The following CRPPA variants were observed in gnomAD, a reference collection of about 807,000 sequenced individuals.
CRPPA encodes the protein D-ribitol-5-phosphate cytidylyltransferase.
A neutral mutation model predicts 52.0 loss-of-function variants in CRPPA; 43 were observed. The observed-to-expected ratio is 0.83, with a 90% confidence interval of 0.65 to 1.07. The LOEUF (loss-of-function observed/expected upper bound fraction) is 1.07. Among genes scored for constraint, CRPPA ranks in the 50% least tolerant of loss-of-function variants. The pLI is 0.00. For missense variants in CRPPA, 629 were observed against 551.7 expected, an observed-to-expected ratio of 1.14 and a Z score of -1.40; for synonymous variants, 250 against 203.5, an observed-to-expected ratio of 1.23 and a Z score of -1.94.
intron 6 of CRPPA, chr7:16,276,529 G>A (rs1248381056): frequency 2.0e-5 from 3 of 152,150 alleles, no homozygotes; most frequent in Non-Finnish European, 4.4e-5. Context: ...AAAAATTACT[G>A]AATTAAGATT....
chr7:16,283,405 G>C (rs1311482308), intron 5 of CRPPA, among the ~76,000 whole-genome samples: 2 of 149,724 alleles, frequency 1.3e-5, no homozygotes, highest in Admixed American at 1.3e-4. Context: ...TATCTACCTA[G>C]ATTCACTAAT....
chr7:16,113,676 A>AC (rs1331122449), intron 9 of CRPPA, among the ~76,000 whole-genome samples: 2 of 149,750 alleles, frequency 1.3e-5, no homozygotes, highest in Non-Finnish European at 3.0e-5. Flanking sequence ...CAAAAACTAC[A>AC]CCCCCCTCAA....
Position 16,256,355 on chromosome 7 carries a change from C to A in CRPPA, c.1119+2035G>T, listed in dbSNP as rs189202899. The stretch of plus-strand genomic sequence containing the variant: ...GGTGACATTGTGGAAGACAGTGTGG[C>A]AATTCCTCAAGAATCTAGAACCAGA... On this transcript the variant is annotated intron_variant, in intron 8 of 9. Transcript: ENST00000407010. Among the ~76,000 whole-genome samples the A allele has an allele frequency of 3.0e-3, 464 of 152,180 alleles. 3 individuals are homozygous for A. Among genetic ancestry groups the A allele is most frequent in the Middle Eastern group, 6.8e-3 (2 of 294 alleles).
chr7:16,222,302 G>T, intron 8 of CRPPA, among the ~76,000 whole-genome samples: 1 of 115,710 alleles, frequency 8.6e-6, no homozygotes, highest in Non-Finnish European at 1.7e-5. Context: ...GTTGCGGTGG[G>T]GGGAGGGGGG....
intron 2 of CRPPA, among the ~76,000 whole-genome samples, chr7:16,381,612 T>A (rs1344905412): frequency 4.6e-5 from 7 of 151,744 alleles, no homozygotes; most frequent in Non-Finnish European, 7.4e-5. Context: ...CCCATTATTA[T>A]TGTGTGGGAG....
rs141363557 is a variant in CRPPA, at chr7:16,301,477, G to A, written c.790-11C>T. On this transcript the variant is annotated splice_polypyrimidine_tract_variant and intron_variant, in intron 4 of 9. Coordinates refer to ENST00000407010, the MANE Select transcript of CRPPA (RefSeq NM_001101426.4). ...TCGTTTGTAGGTCACCTAAAGGACA[G>A]ATAAACTTCATTAGACTTAACAGAG... 1.6e-4 allele frequency: 264 copies of A among 1,605,808 alleles called. 2 individuals are homozygous for A. In the African/African-American group the frequency reaches 3.3e-3, roughly 20 times the overall value.
intron 1 of CRPPA, among the ~76,000 whole-genome samples, chr7:16,419,072 T>A (rs1309104439): frequency 6.6e-6 from 1 of 152,142 alleles, no homozygotes; most frequent in Non-Finnish European, 1.5e-5. Context: ...AGGTAAGTGG[T>A]TCATGAAATG....
intron 9 of CRPPA, among the ~76,000 whole-genome samples, chr7:16,213,486 C>T (rs1782208319): frequency 6.6e-6 from 1 of 152,000 alleles, no homozygotes; most frequent in Non-Finnish European, 1.5e-5. Context: ...CGGTGGCTCA[C>T]ACCTGTAATC....
intron 9 of CRPPA, among the ~76,000 whole-genome samples, chr7:16,165,235 A>AG (rs1781029364): frequency 6.6e-6 from 1 of 152,042 alleles, no homozygotes; most frequent in Admixed American, 6.6e-5. Flanking sequence ...AGAAAAAAAA[A>AG]AAACATTTTG....
At chr7:16,381,189 T>C (rs1256153957) in intron 2 of CRPPA, among the ~76,000 whole-genome samples, 1 of 152,228 alleles carries the variant, frequency 6.6e-6, no homozygotes, top group East Asian at 1.9e-4. Context: ...CGGTATGTTG[T>C]TTCATTGTTC....
chr7:16,163,483 T>C (rs910670184), intron 9 of CRPPA, among the ~76,000 whole-genome samples: 2 of 152,198 alleles, frequency 1.3e-5, no homozygotes, highest in African/African-American at 4.8e-5. Context: ...TGCCAGTCTG[T>C]GTCTTTTAAT....
intron 6 of CRPPA, among the ~76,000 whole-genome samples, chr7:16,270,937 G>A (rs1358001191): frequency 6.6e-6 from 1 of 151,824 alleles, no homozygotes; most frequent in African/African-American, 2.4e-5. Context: ...GTCATACGGT[G>A]AATTTACTGA....
chr7:16,332,699 A>T (rs1785581946), intron 3 of CRPPA, among the ~76,000 whole-genome samples: 1 of 152,162 alleles, frequency 6.6e-6, no homozygotes, highest in Non-Finnish European at 1.5e-5. Context: ...GTTCAATTAA[A>T]TTAAAAAACA....
intron 3 of CRPPA, among the ~76,000 whole-genome samples, chr7:16,370,221 C>T (rs1786713378): frequency 6.6e-6 from 1 of 152,200 alleles, no homozygotes; most frequent in Non-Finnish European, 1.5e-5. Context: ...CTCCCTTGAA[C>T]AGAACCCAAG....
chr7:16,389,928 A>ATATATATATATATATATAT (rs1554353907), intron 2 of CRPPA, among the ~76,000 whole-genome samples: 1 of 29,760 alleles, frequency 3.4e-5, no homozygotes, highest in Admixed American at 5.4e-4. Context: ...AAAAAAAAAA[A>ATATATATATATATATATAT]ATATATATAT....
At chr7:16,097,221 T>C (rs10950602) in intron 9 of CRPPA, among the ~76,000 whole-genome samples, 99,471 of 151,982 alleles carry the variant, frequency 0.65, 36,639 homozygotes, top group Non-Finnish European at 0.8. Context: ...TTCTTAGATA[T>C]TAAGAAAACT....
intron 9 of CRPPA, among the ~76,000 whole-genome samples, chr7:16,108,268 G>T (rs1782195571): frequency 6.6e-6 from 1 of 151,910 alleles, no homozygotes. Flanking sequence ...GACTGTAAAT[G>T]AAGGGATGGA....
intron 9 of CRPPA, among the ~76,000 whole-genome samples, chr7:16,187,098 G>T (rs2128389340): frequency 6.6e-6 from 1 of 152,058 alleles, no homozygotes; most frequent in South Asian, 2.1e-4. Flanking sequence ...TCATGAAAAA[G>T]AAAATATTTT....
chr7:16,197,856 C>T (rs967663053), intron 9 of CRPPA, among the ~76,000 whole-genome samples: 9 of 150,178 alleles, frequency 6.0e-5, no homozygotes, highest in Non-Finnish European at 1.3e-4. Context: ...ACCTTACCCC[C>T]AACCCCGTGC....
Sources: allele counts gnomAD v4.1 joint callset (sites outside exome capture counted in the v4.1 genomes callset), GRCh38; gene constraint gnomAD v4.1.1; transcripts MANE v1.5; gene names NCBI Gene and HGNC (gene_info 2026-07-23, HGNC 2026-07-21).